The following SRGAP1 variants were observed in gnomAD, a reference collection of about 807,000 sequenced individuals.
SRGAP1 encodes SLIT-ROBO Rho GTPase activating protein 1.
A neutral mutation model predicts 121.9 loss-of-function variants in SRGAP1; 43 were observed. The ratio of observed to expected loss-of-function variants is 0.35; its 90% CI spans 0.28 to 0.46. The LOEUF is 0.46. Ranked by LOEUF, SRGAP1 falls within the 20% of genes least tolerant of loss-of-function variation. The pLI, the probability that SRGAP1 is intolerant of heterozygous loss-of-function variation, is 1.00. For synonymous variants in SRGAP1, 447 were observed against 485.4 expected, an observed-to-expected ratio of 0.92 and a Z score of 1.04; for missense variants, 1,102 against 1,350.9, an observed-to-expected ratio of 0.82 and a Z score of 2.89.
chr12:64,003,773 T>C (rs968540054), intron 3 of SRGAP1, among the ~76,000 whole-genome samples: 10 of 151,926 alleles, frequency 6.6e-5, no homozygotes, highest in African/African-American at 2.4e-4. Flanking sequence ...GTGTGGGGCA[T>C]AAAATTAAAA....
At chr12:63,909,870 T>A (rs1592937521) in intron 1 of SRGAP1, among the ~76,000 whole-genome samples, 1 of 152,334 alleles carries the variant, frequency 6.6e-6, no homozygotes, top group East Asian at 1.9e-4. Flanking sequence ...TTTTTTCTCT[T>A]TAGGAAACCT....
intron 1 of SRGAP1, among the ~76,000 whole-genome samples, chr12:63,845,508 C>T (rs2136247976): frequency 6.6e-6 from 1 of 152,266 alleles, no homozygotes; most frequent in East Asian, 1.9e-4. Context: ...TTCACACTCA[C>T]ATGGGAATAT....
At chr12:63,987,668 G>A (rs1459935419) in intron 2 of SRGAP1, among the ~76,000 whole-genome samples, 1 of 152,128 alleles carries the variant, frequency 6.6e-6, no homozygotes, top group Non-Finnish European at 1.5e-5. Flanking sequence ...GTTGCAGTGA[G>A]TCAAGATCAC....
intron 15 of SRGAP1, among the ~76,000 whole-genome samples, chr12:64,100,120 A>G (rs2036230139): frequency 6.6e-6 from 1 of 152,226 alleles, no homozygotes; most frequent in African/African-American, 2.4e-5. Flanking sequence ...AGTAACCCTC[A>G]GTAAGTGTTG....
At chr12:63,861,925 C>A (rs1211833373) in intron 1 of SRGAP1, among the ~76,000 whole-genome samples, 1 of 152,078 alleles carries the variant, frequency 6.6e-6, no homozygotes, top group African/African-American at 2.4e-5. Flanking sequence ...AGTTTGAGAC[C>A]AGCCTGGCCG....
chr12:63,964,197 T>C (rs1469439900), intron 1 of SRGAP1, among the ~76,000 whole-genome samples: 3 of 152,182 alleles, frequency 2.0e-5, no homozygotes. Context: ...ATAATACTTA[T>C]CTAATAGGAT....
At chr12:64,132,317 T>G (rs1410392634) in intron 21 of SRGAP1, among the ~76,000 whole-genome samples, 1 of 152,310 alleles carries the variant, frequency 6.6e-6, no homozygotes, top group African/African-American at 2.4e-5. Flanking sequence ...TCAAGCACCA[T>G]TGGATCTGAT....
intron 4 of SRGAP1, among the ~76,000 whole-genome samples, chr12:64,029,721 G>A (rs2034731250): frequency 1.4e-5 from 2 of 146,000 alleles, no homozygotes; most frequent in South Asian, 4.3e-4. Flanking sequence ...AGCAGGCTGG[G>A]GGCGGTGGCT....
intron 8 of SRGAP1, among the ~76,000 whole-genome samples, chr12:64,069,752 C>T (rs1477171089): frequency 6.6e-6 from 1 of 152,114 alleles, no homozygotes; most frequent in Non-Finnish European, 1.5e-5. Context: ...ACCTCCCGGG[C>T]TCAGGTGGTC....
rs1385710719 is a variant in SRGAP1, at chr12:64,152,181, G to C, written c.*9509G>C. On this transcript the variant is annotated 3_prime_UTR_variant, in exon 22 of 22. Coordinates refer to ENST00000355086, the MANE Select transcript of SRGAP1 (RefSeq NM_020762.4). ...ACATGTATTGAGTACCAGACTCCAT[G>C]CTACAAATGTTAACCCTCATAAGAA... 6.6e-6 allele frequency: 1 copy of C among 152,188 alleles called. No homozygotes were observed. Among genetic ancestry groups the C allele is most frequent in the African/African-American group, 2.4e-5 (1 of 41,440 alleles). 9.4% of individuals were successfully genotyped at this position (152,188 alleles called of 1,614,324 possible).
intron 10 of SRGAP1, chr12:64,080,600 A>C (rs898927919): frequency 3.4e-6 from 2 of 594,188 alleles, no homozygotes; most frequent in South Asian, 3.6e-5. Flanking sequence ...AGGGCTGGAA[A>C]GTCAATACCG....
intron 17 of SRGAP1, among the ~76,000 whole-genome samples, chr12:64,114,243 A>C (rs188388133): frequency 6.6e-6 from 1 of 152,268 alleles, no homozygotes; most frequent in East Asian, 1.9e-4. Context: ...CTGGGAAAGT[A>C]AATGAATGCA....
In SRGAP1 at chr12:64,057,163, ACTC is replaced by A. The variant is rs3063176; in HGVS notation, c.802-5748_802-5746del. 9.9e-3 allele frequency among the ~76,000 whole-genome samples: 1,498 copies of A among 152,032 alleles called. 25 individuals are homozygous for A. The highest frequency in any genetic ancestry group is 0.034 in the African/African-American group (1,404 of 41,452). ...TCATTGGCTGAGGCACATGCAACTC[ACTC>A]CTCCTATTTGCTACTTTGTACCCAT... On this transcript the variant is annotated intron_variant, in intron 6 of 21. Coordinates refer to ENST00000355086, the MANE Select transcript of SRGAP1 (RefSeq NM_020762.4).
chr12:64,043,673 AT>A, intron 6 of SRGAP1, 98 bp downstream of exon 6: 1 of 889,276 alleles, frequency 1.1e-6, no homozygotes, highest in Non-Finnish European at 1.7e-6. Context: ...TAAGACTGTT[AT>A]TTTACGTAAT....
At chr12:64,092,417 A>C (rs1275941858) in intron 12 of SRGAP1, among the ~76,000 whole-genome samples, 3 of 152,126 alleles carry the variant, frequency 2.0e-5, no homozygotes, top group Non-Finnish European at 4.4e-5. Context: ...GAATATGTGT[A>C]CTAATAATTA....
rs2037207218 is a variant in SRGAP1 at position 64,161,190 on chromosome 12, T to G, written c.*18518T>G. On this transcript the variant is annotated 3_prime_UTR_variant, in exon 22 of 22. Coordinates refer to ENST00000355086, the MANE Select transcript of SRGAP1 (RefSeq NM_020762.4). ...AAAAATTAATTCATTCTCAAAATCT[T>G]CCACAGAAATGCTTTCAAACTCAAT... 1 of 152,206 alleles carries G rather than the reference T, an allele frequency of 6.6e-6. No homozygotes were observed. The highest frequency in any genetic ancestry group is 1.5e-5 in the Non-Finnish European group (1 of 68,034). 9.4% of individuals were successfully genotyped at this position (152,206 alleles called of 1,614,324 possible).
At chr12:63,880,552 A>G (rs1057298654) in intron 1 of SRGAP1, among the ~76,000 whole-genome samples, 2 of 152,022 alleles carry the variant, frequency 1.3e-5, no homozygotes, top group African/African-American at 4.8e-5. Flanking sequence ...TTTTCTTTAT[A>G]AATTACCCAG....
Position 64,042,932 on chromosome 12 carries a change from G to C in SRGAP1, c.632G>C (p.Arg211Pro). The C allele has an allele frequency of 1.9e-6, 3 of 1,613,652 alleles. No individual in the cohort carries two copies. Among genetic ancestry groups the C allele is most frequent in the Non-Finnish European group, 2.5e-6 (3 of 1,179,838 alleles). ...ATTCGACTAGAGGAGAGACATCAAC[G>C]GCGAAGCTCTGTAAAGAAAATTGAA... ...FHIRLEERHQ[R>P]RSSVKKIEKM... Residue 211 changes from arginine (R) to proline (P), a missense_variant, in exon 5 of 22, where the codon CGG (arginine) becomes CCG (proline). By Grantham distance (103) the Arg-to-Pro change is moderately radical. Coordinates refer to ENST00000355086, the MANE Select transcript of SRGAP1 (RefSeq NM_020762.4).
At position 64,043,771 on chromosome 12, in the gene SRGAP1, T is replaced by C. The variant is rs2035070367; in HGVS notation, c.801+196T>C. ...TAAGATGCATGTGAAAAAGCGTGTA[T>C]CCTAAAACCAATGAAAAATAACTGG... On this transcript the variant is annotated intron_variant, in intron 6 of 21. Transcript: ENST00000355086. The C allele has an allele frequency of 6.9e-6, 3 of 434,626 alleles. No homozygotes were observed. The South Asian group carries it at 1.1e-4, about 16-fold the overall frequency. 26.9% of individuals were successfully genotyped at this position (434,626 alleles called of 1,614,324 possible).
Sources: allele counts gnomAD v4.1 joint callset (sites outside exome capture counted in the v4.1 genomes callset), GRCh38; gene constraint gnomAD v4.1.1; transcripts MANE v1.5; gene names NCBI Gene and HGNC (gene_info 2026-07-23, HGNC 2026-07-21).